The following OPCML variants were observed in gnomAD, a reference collection of about 807,000 sequenced individuals.
The protein encoded by OPCML is opioid-binding protein/cell adhesion molecule.
A neutral mutation model predicts 37.8 loss-of-function variants in OPCML; 13 were observed. The observed-to-expected ratio is 0.34, with a 90% CI of 0.22 to 0.55. The LOEUF is 0.55. OPCML is among the 20% of genes least tolerant of loss of function. OPCML has a pLI of 0.91. For synonymous variants in OPCML, 176 were observed against 168.8 expected, an observed-to-expected ratio of 1.04 and a Z score of -0.33; for missense variants, 341 against 435.6, an observed-to-expected ratio of 0.78 and a Z score of 1.93.
At chr11:132,738,654 C>T (rs1426283840) in intron 2 of OPCML, among the ~76,000 whole-genome samples, 2 of 152,196 alleles carry the variant, frequency 1.3e-5, no homozygotes, top group African/African-American at 2.4e-5. Context: ...CCCTGTGGTT[C>T]TGTAGAATCA....
At chr11:132,697,264 T>C (rs1943632627) in intron 2 of OPCML, among the ~76,000 whole-genome samples, 1 of 152,180 alleles carries the variant, frequency 6.6e-6, no homozygotes. Context: ...CTCACATAAT[T>C]ACCTTCTTTT....
At chr11:132,651,896 A>G (rs951137060) in intron 3 of OPCML, among the ~76,000 whole-genome samples, 12 of 152,228 alleles carry the variant, frequency 7.9e-5, no homozygotes, top group African/African-American at 2.9e-4. Flanking sequence ...TTCATTCCAT[A>G]AAAGGAAGTA....
chr11:133,384,590 G>T (rs1162703247), intron 1 of OPCML, among the ~76,000 whole-genome samples: 1 of 152,184 alleles, frequency 6.6e-6, no homozygotes, highest in African/African-American at 2.4e-5. Context: ...TATCATCTCA[G>T]TCTATCAATC....
intron 2 of OPCML, among the ~76,000 whole-genome samples, chr11:132,675,224 G>A (rs576918359): frequency 4.8e-5 from 7 of 146,012 alleles, no homozygotes; most frequent in African/African-American, 7.6e-5. Context: ...TATATAAAAC[G>A]TTATATATGT....
At chr11:132,762,210 G>T (rs1273216110) in intron 2 of OPCML, among the ~76,000 whole-genome samples, 1 of 152,196 alleles carries the variant, frequency 6.6e-6, no homozygotes, top group African/African-American at 2.4e-5. Flanking sequence ...CACCTGCCAA[G>T]ATGCCAGCTG....
At chr11:133,193,290 A>G (rs2136305452) in intron 1 of OPCML, among the ~76,000 whole-genome samples, 1 of 152,328 alleles carries the variant, frequency 6.6e-6, no homozygotes. Context: ...TAGTTGGCCA[A>G]GAGGAGAAAT....
intron 2 of OPCML, among the ~76,000 whole-genome samples, chr11:132,658,645 G>T (rs189399651): frequency 2.0e-5 from 3 of 152,340 alleles, no homozygotes; most frequent in Admixed American, 6.5e-5. Flanking sequence ...TAGCCGCTGA[G>T]AAGTTGGGTA....
intron 1 of OPCML, among the ~76,000 whole-genome samples, chr11:133,035,221 C>T (rs1035232406): frequency 6.6e-6 from 1 of 152,210 alleles, no homozygotes; most frequent in Non-Finnish European, 1.5e-5. Context: ...GCCACCCTAT[C>T]TGTCATGTCG....
chr11:133,004,550 T>G, intron 1 of OPCML: 1 of 985,452 alleles, frequency 1.0e-6, no homozygotes, highest in Non-Finnish European at 1.2e-6. Flanking sequence ...TTGGCCGTCC[T>G]GACACTGCCT....
At chr11:132,977,719 A>T (rs577626715) in intron 1 of OPCML, among the ~76,000 whole-genome samples, 21 of 152,332 alleles carry the variant, frequency 1.4e-4, no homozygotes, top group African/African-American at 4.6e-4. Context: ...GACCCACCTG[A>T]TCTACAAACT....
chr11:133,489,851 TA>T (rs977591553), intron 1 of OPCML, among the ~76,000 whole-genome samples: 68 of 133,464 alleles, frequency 5.1e-4, no homozygotes, highest in South Asian at 1.5e-3. Context: ...TATATATATA[TA>T]TTTTTTTATA....
intron 1 of OPCML, among the ~76,000 whole-genome samples, chr11:133,261,942 G>A (rs1178453131): frequency 6.6e-6 from 1 of 152,150 alleles, no homozygotes; most frequent in East Asian, 1.9e-4. Flanking sequence ...GGGTTCGGAT[G>A]TTCTTGATCT....
At chr11:132,704,850 A>T (rs1284037055) in intron 2 of OPCML, among the ~76,000 whole-genome samples, 1 of 152,256 alleles carries the variant, frequency 6.6e-6, no homozygotes, top group Non-Finnish European at 1.5e-5. Flanking sequence ...ATTGGCTTTA[A>T]GCCTTTATAA....
chr11:132,853,912 A>C (rs946037761), intron 2 of OPCML, among the ~76,000 whole-genome samples: 4 of 152,222 alleles, frequency 2.6e-5, no homozygotes, highest in Non-Finnish European at 5.9e-5. Context: ...AGGCAGTTAA[A>C]TTGTGTTAAT....
chr11:133,459,259 A>C (rs1238532831), intron 1 of OPCML, among the ~76,000 whole-genome samples: 1 of 152,114 alleles, frequency 6.6e-6, no homozygotes, highest in Non-Finnish European at 1.5e-5. Flanking sequence ...AATTCAAAAT[A>C]TGTTACTATA....
At chr11:132,535,113 A>G (rs2096336983) in intron 3 of OPCML, among the ~76,000 whole-genome samples, 1 of 150,334 alleles carries the variant, frequency 6.7e-6, no homozygotes, top group South Asian at 2.1e-4. Flanking sequence ...ACATTACTAT[A>G]TATTTCATAT....
At chr11:132,522,833 C>T (rs1369468615) in intron 4 of OPCML, among the ~76,000 whole-genome samples, 6 of 152,218 alleles carry the variant, frequency 3.9e-5, no homozygotes, top group Admixed American at 2.0e-4. Context: ...CGGGTCAGTG[C>T]ATCTTTTATT....
intron 3 of OPCML, among the ~76,000 whole-genome samples, chr11:132,547,242 G>T (rs2096370763): frequency 6.6e-6 from 1 of 152,168 alleles, no homozygotes; most frequent in Non-Finnish European, 1.5e-5. Context: ...TTTAACTGGG[G>T]GAGATGCCAT....
At chr11:133,419,550 G>T (rs139466832) in intron 1 of OPCML, among the ~76,000 whole-genome samples, 297 of 152,258 alleles carry the variant, frequency 2.0e-3, no homozygotes, top group African/African-American at 6.7e-3. Flanking sequence ...GAGCTCTTAA[G>T]GTAATTTCTG....
Sources: allele counts gnomAD v4.1 joint callset (sites outside exome capture counted in the v4.1 genomes callset), GRCh38; gene constraint gnomAD v4.1.1; transcripts MANE v1.5; gene names NCBI Gene and HGNC (gene_info 2026-07-23, HGNC 2026-07-21).